The following HSPA14 variants were observed in gnomAD, a reference collection of about 807,000 sequenced individuals.
HSPA14 encodes heat shock 70 kDa protein 14.
HSPA14 carries 37 observed loss-of-function variants against 65.5 expected under a neutral mutation model. That is an observed-to-expected ratio of 0.56 (90% CI 0.43 to 0.74). The LOEUF (loss-of-function observed/expected upper bound fraction) is 0.74, where lower values mean the gene tolerates loss of function less well. HSPA14 is among the 30% of genes least tolerant of loss of function. HSPA14 has a pLI of 0.00. For synonymous variants in HSPA14, 203 were observed against 214.2 expected (o/e 0.95, Z 0.46); for missense variants, 564 against 607.6 (o/e 0.93, Z 0.75).
At chr10:14,869,302 ATTTTT>A (rs1016526919) in intron 12 of HSPA14, among the ~76,000 whole-genome samples, 1 of 132,696 alleles carries the variant, frequency 7.5e-6, no homozygotes, top group Non-Finnish European at 1.6e-5. Flanking sequence ...ATTTATTTTA[ATTTTT>A]TTTTTTTAAG....
At chr10:14,863,986 G>A (rs1233740988) in intron 10 of HSPA14, among the ~76,000 whole-genome samples, 1 of 144,874 alleles carries the variant, frequency 6.9e-6, no homozygotes, top group Non-Finnish European at 1.5e-5. Context: ...ACAGTGAGAT[G>A]GTGGCCACCT....
intron 3 of HSPA14, chr10:14,843,585 CTTG>C: frequency 1.3e-6 from 2 of 1,550,668 alleles, no homozygotes; most frequent in Non-Finnish European, 1.7e-6. Flanking sequence ...GGGATAGGCC[CTTG>C]ACCAGTGAGC....
In HSPA14 at chr10:14,842,430, G is replaced by A. The variant is rs533318658; in HGVS notation, c.221+2273G>A. On this transcript the variant is annotated intron_variant, in intron 3 of 13. Coordinates refer to ENST00000378372, the MANE Select transcript of HSPA14 (RefSeq NM_016299.4). The surrounding 1 kb of genome is among the most constrained non-coding windows in gnomAD (Gnocchi z 5.2). ...GATGTCTATCAGGCTGTGTCTAAGCGAATGCAGCAGGAGGGCTTCCGCCGC... is the reference window on the plus strand; with the variant it reads ...GATGTCTATCAGGCTGTGTCTAAGCAAATGCAGCAGGAGGGCTTCCGCCGC... 5.2e-5 allele frequency: 80 copies of A among 1,536,168 alleles called. No individual in the cohort carries two copies. The South Asian group carries it at 7.5e-4, about 14-fold the overall frequency.
At chr10:14,849,566 A>C in intron 5 of HSPA14, 155 bp from the exon 6 acceptor site, 1 of 702,136 alleles carries the variant, frequency 1.4e-6, no homozygotes, top group Admixed American at 2.0e-5. Context: ...ATGATTTCAG[A>C]GCGCAGAGAA....
chr10:14,860,337 T>C (rs1340617285), intron 10 of HSPA14, among the ~76,000 whole-genome samples: 2 of 152,232 alleles, frequency 1.3e-5, no homozygotes, highest in African/African-American at 2.4e-5. Flanking sequence ...GTAGTAGCTA[T>C]GGCAAAGTCT....
Position 14,838,625 on chromosome 10 carries a change from C to T in HSPA14, c.57+166C>T, listed in dbSNP as rs753172356. 1.7e-4 allele frequency: 108 copies of T among 631,960 alleles called. 1 individual carries two copies. The highest frequency in any genetic ancestry group is 1.6e-4 in the Non-Finnish European group (62 of 388,580). The allele number at this position is 631,960 out of a possible 1,614,324, so 39.1% of individuals were successfully genotyped here. A position where few individuals can be genotyped will look rare whatever the true frequency, so the allele number is the denominator to read the frequency against. Reference sequence around the variant, plus strand: ...GAAGGGCCGGGCAGGCCCGGCCTCGCGCCTGGCGATTCCTCCGGAAAGTCG... The same window carrying T: ...GAAGGGCCGGGCAGGCCCGGCCTCGTGCCTGGCGATTCCTCCGGAAAGTCG... On this transcript the variant is annotated intron_variant, in intron 1 of 13. Transcript: ENST00000378372.
intron 12 of HSPA14, 60 bp downstream of exon 12, chr10:14,867,969 G>A: frequency 7.5e-7 from 1 of 1,342,162 alleles, no homozygotes; most frequent in South Asian, 1.4e-5. Context: ...ATTAGATTCA[G>A]TTTAATATCT....
chr10:14,862,079 T>G (rs763013300), intron 10 of HSPA14, among the ~76,000 whole-genome samples: 5 of 148,256 alleles, frequency 3.4e-5, no homozygotes, highest in Non-Finnish European at 7.4e-5. Context: ...CAGGTTGGAG[T>G]GCAGTGGCAC....
chr10:14,865,198 G>A (rs1832794602), intron 10 of HSPA14, among the ~76,000 whole-genome samples: 1 of 152,190 alleles, frequency 6.6e-6, no homozygotes, highest in South Asian at 2.1e-4. Context: ...ATTTGTTTGA[G>A]TTCTTTGTAG....
At chr10:14,869,092 T>A (rs924195086) in intron 12 of HSPA14, among the ~76,000 whole-genome samples, 1 of 152,256 alleles carries the variant, frequency 6.6e-6, no homozygotes, top group East Asian at 1.9e-4. Flanking sequence ...ATGATCCGCC[T>A]GCCTTGGCCT....
rs1292795930 is a variant in HSPA14 at position 14,842,516 on chromosome 10, G to A, written c.221+2359G>A. The A allele has an allele frequency of 2.6e-6, 4 of 1,536,038 alleles. No homozygotes were observed. The African/African-American group carries it at 4.1e-5, about 16-fold the overall frequency. ...GAAGGCATTATATTTAAAGGCCTAT[G>A]TTGCCCATGCCACAAGTATGGGTGA... On this transcript the variant is annotated intron_variant, in intron 3 of 13. Transcript: ENST00000378372. This position sits in a 1 kb window ranked among gnomAD's most constrained non-coding sequence, Gnocchi z 5.2.
At chr10:14,852,907 T>G (rs1029880461) in intron 8 of HSPA14, among the ~76,000 whole-genome samples, 6 of 152,206 alleles carry the variant, frequency 3.9e-5, no homozygotes, top group African/African-American at 1.4e-4. Context: ...GAAGATTGCA[T>G]TATGTTATCT....
At chr10:14,840,737 T>C (rs927672058) in intron 3 of HSPA14, among the ~76,000 whole-genome samples, 4 of 152,354 alleles carry the variant, frequency 2.6e-5, no homozygotes, top group African/African-American at 7.2e-5. Flanking sequence ...CCTCAAATTA[T>C]AGATTGCTAT....
At chr10:14,870,283 G>A (rs1193222041) in intron 12 of HSPA14, among the ~76,000 whole-genome samples, 1 of 151,916 alleles carries the variant, frequency 6.6e-6, no homozygotes, top group African/African-American at 2.4e-5. Context: ...TACCAAAAAA[G>A]AAAAGTAGCC....
rs1174415474 is a variant in HSPA14, at chr10:14,855,872, T to C, written c.922T>C (p.Phe308Leu). 1 of 1,607,318 alleles carries C rather than the reference T, an allele frequency of 6.2e-7. No individual in the cohort carries two copies. Among genetic ancestry groups the C allele is most frequent in the Admixed American group, 1.7e-5 (1 of 59,962 alleles). ...ATTTGAACTTCTTTGTTCTCCACTT[T>C]TTAATAAGTGTATAGAAGCAATCAG... is the stretch of plus-strand genomic sequence containing the variant. ...ARFELLCSPLFNKCIEAIRGL... is the reference protein window; with the variant it reads ...ARFELLCSPLLNKCIEAIRGL... Residue 308 changes from phenylalanine to leucine, a missense_variant, in exon 10 of 14, where the codon TTT becomes CTT. Transcript: ENST00000378372.
rs769330176 is a variant in HSPA14 at position 14,871,518 on chromosome 10, G to T, written c.1452-10G>T. ...CTTGTGCAATGTTCTTTATTTTTTTGTCTGTTTAGGGATGGATCTTTACAT... is the reference window on the plus strand; with the variant it reads ...CTTGTGCAATGTTCTTTATTTTTTTTTCTGTTTAGGGATGGATCTTTACAT... On this transcript the variant is annotated splice_polypyrimidine_tract_variant and intron_variant, in intron 13 of 13. Coordinates refer to ENST00000378372, the MANE Select transcript of HSPA14 (RefSeq NM_016299.4). 19 of 1,520,738 alleles carry T rather than the reference G, an allele frequency of 1.2e-5. No individual in the cohort carries two copies. The highest frequency in any genetic ancestry group is 1.5e-5 in the Non-Finnish European group (17 of 1,113,786). The allele number at this position is 1,520,738 out of a possible 1,614,324, so 94.2% of individuals were successfully genotyped here.
At chr10:14,863,184 T>C (rs192648690) in intron 10 of HSPA14, among the ~76,000 whole-genome samples, 2 of 152,352 alleles carry the variant, frequency 1.3e-5, no homozygotes, top group Admixed American at 6.5e-5. Context: ...ATTCTTTTTT[T>C]CTGCAATAAT....
chr10:14,853,030 T>C (rs933462535), intron 8 of HSPA14, among the ~76,000 whole-genome samples: 1 of 152,134 alleles, frequency 6.6e-6, no homozygotes, highest in Non-Finnish European at 1.5e-5. Flanking sequence ...TCTAACCCTT[T>C]TGGATGTTAC....
At chr10:14,849,259 C>T (rs889171921) in intron 5 of HSPA14, among the ~76,000 whole-genome samples, 4 of 152,280 alleles carry the variant, frequency 2.6e-5, no homozygotes, top group African/African-American at 7.2e-5. Context: ...GCAGTTCAGA[C>T]GGAGGCTCTG....
Sources: gnomAD v4.1 joint callset for allele counts (sites outside exome capture counted in the v4.1 genomes callset) on GRCh38, gnomAD v4.1.1 for gene constraint, Gnocchi (gnomAD v3.1) non-coding constraint, MANE v1.5 for transcripts, NCBI Gene and HGNC (gene_info 2026-07-23, HGNC 2026-07-21) for gene names.